The following SPAST variants were observed in gnomAD, a reference collection of about 807,000 sequenced individuals.
The protein encoded by SPAST is spastin.
A neutral mutation model predicts 76.6 loss-of-function variants in SPAST; 30 were observed. The ratio of observed to expected loss-of-function variants is 0.39; its 90% CI spans 0.29 to 0.53. SPAST has a LOEUF of 0.53. SPAST is among the 20% of genes least tolerant of loss of function. The pLI, the probability that SPAST is intolerant of heterozygous loss-of-function variation, is 0.68. For synonymous variants in SPAST, 305 were observed against 281.0 expected, an observed-to-expected ratio of 1.09 and a Z score of -0.86; for missense variants, 717 against 770.5, an observed-to-expected ratio of 0.93 and a Z score of 0.82.
chr2:32,107,219 A>C (rs563046220), intron 4 of SPAST, among the ~76,000 whole-genome samples: 63 of 152,182 alleles, frequency 4.1e-4, no homozygotes, highest in Non-Finnish European at 7.4e-4. Flanking sequence ...TCTGAAATCC[A>C]AAATGCTCTA....
intron 8 of SPAST, 101 bp downstream of exon 8, chr2:32,127,123 C>T (rs1679221322): frequency 1.2e-6 from 1 of 837,414 alleles, no homozygotes; most frequent in South Asian, 1.4e-5. Flanking sequence ...TTACGACTTG[C>T]TTTTTGCTAT....
chr2:32,120,099 C>G (rs150295812), intron 7 of SPAST, among the ~76,000 whole-genome samples: 1,596 of 151,810 alleles, frequency 0.011, 99 homozygotes, highest in Admixed American at 0.094. Flanking sequence ...ATCCTCCTGT[C>G]TCAGCCTCCC....
At chr2:32,112,639 C>T (rs1225927154) in intron 4 of SPAST, among the ~76,000 whole-genome samples, 3 of 152,030 alleles carry the variant, frequency 2.0e-5, no homozygotes, top group African/African-American at 7.2e-5. Context: ...AGCCACCACG[C>T]CCAGCCTAAT....
intron 4 of SPAST, among the ~76,000 whole-genome samples, chr2:32,099,939 A>G (rs897625994): frequency 2.1e-5 from 3 of 143,564 alleles, no homozygotes; most frequent in Non-Finnish European, 4.6e-5. Flanking sequence ...TTGATTCTGT[A>G]TCTTGGCTGT....
At chr2:32,115,191 G>A (rs1006911544) in intron 5 of SPAST, among the ~76,000 whole-genome samples, 4 of 151,696 alleles carry the variant, frequency 2.6e-5, no homozygotes, top group Non-Finnish European at 5.9e-5. Context: ...CAGGTGATCC[G>A]CCTGCCTCAG....
rs1456027642 is a variant in SPAST, at chr2:32,154,935, G to C, written c.*439G>C. 1 of 166,498 alleles carries C rather than the reference G, an allele frequency of 6.0e-6. No homozygotes were observed. Among genetic ancestry groups the C allele is most frequent in the Non-Finnish European group, 1.3e-5 (1 of 76,582 alleles). 10.3% of individuals were successfully genotyped at this position (166,498 alleles called of 1,614,324 possible). On this transcript the variant is annotated 3_prime_UTR_variant, in exon 17 of 17. Coordinates refer to ENST00000315285, the MANE Select transcript of SPAST (RefSeq NM_014946.4). ...TCTCCTACTTTTCTTTTCTACTGTT[G>C]TCTTAACTACAGGTGATTGGAATGC...
intron 9 of SPAST, among the ~76,000 whole-genome samples, chr2:32,132,529 C>CTTTTTT (rs34112329): frequency 1.4e-5 from 2 of 148,134 alleles, no homozygotes; most frequent in Non-Finnish European, 1.5e-5. Context: ...AAAACTCAAT[C>CTTTTTT]TTTTTTTTTT....
At chr2:32,092,346 G>A (rs1243552161) in intron 3 of SPAST, among the ~76,000 whole-genome samples, 3 of 152,102 alleles carry the variant, frequency 2.0e-5, no homozygotes, top group South Asian at 2.1e-4. Context: ...TACTTTCTAC[G>A]TGTTTTATCT....
chr2:32,094,333 C>T (rs1257747362), intron 3 of SPAST, among the ~76,000 whole-genome samples: 1 of 152,062 alleles, frequency 6.6e-6, no homozygotes, highest in Non-Finnish European at 1.5e-5. Flanking sequence ...ATTATCCTGC[C>T]TCATCCTCCT....
At chr2:32,083,720 ATTTATATATACTATATATATT>A (rs1558619956) in intron 1 of SPAST, among the ~76,000 whole-genome samples, 1 of 76,400 alleles carries the variant, frequency 1.3e-5, no homozygotes, top group East Asian at 3.9e-4. Flanking sequence ...TACTATATAT[ATTTATATATACTATATATATT>A]TATATATACT....
chr2:32,082,965 T>G, intron 1 of SPAST, among the ~76,000 whole-genome samples: 1 of 152,126 alleles, frequency 6.6e-6, no homozygotes, highest in East Asian at 1.9e-4. Flanking sequence ...TGTTGTTGTT[T>G]AATTAATTAA....
intron 9 of SPAST, among the ~76,000 whole-genome samples, chr2:32,132,440 G>C (rs1189814560): frequency 2.0e-5 from 3 of 151,876 alleles, no homozygotes; most frequent in Non-Finnish European, 2.9e-5. Flanking sequence ...CTATCATTTT[G>C]TCAGTTCTAT....
chr2:32,140,089 T>A (rs1196085496), intron 12 of SPAST, among the ~76,000 whole-genome samples: 1 of 152,192 alleles, frequency 6.6e-6, no homozygotes, highest in Non-Finnish European at 1.5e-5. Context: ...TGTGTTATGT[T>A]GCGTCCTTTT....
At chr2:32,119,709 A>G (rs984260692) in intron 7 of SPAST, among the ~76,000 whole-genome samples, 2 of 152,194 alleles carry the variant, frequency 1.3e-5, no homozygotes, top group African/African-American at 4.8e-5. Flanking sequence ...CAAAAAACTC[A>G]AACTAAATAG....
At chr2:32,101,590 G>C (rs1400228868) in intron 4 of SPAST, among the ~76,000 whole-genome samples, 2 of 152,134 alleles carry the variant, frequency 1.3e-5, no homozygotes, top group Admixed American at 1.3e-4. Context: ...TTTTCTTCTA[G>C]GGTTTTTATA....
rs372900676 is a variant in SPAST at position 32,154,458 on chromosome 2, A to G, written c.1813A>G (p.Ile605Val). 63 of 1,613,770 alleles carry G rather than the reference A, an allele frequency of 3.9e-5. No homozygotes were observed. The highest frequency in any genetic ancestry group is 5.2e-5 in the Non-Finnish European group (61 of 1,179,764). ...CAGCCCTCAAACTTTAGAAGCGTAC[A>G]TACGTTGGAACAAGGACTTTGGAGA... ...SVSPQTLEAYIRWNKDFGDTT... is the reference protein window; with the variant it reads ...SVSPQTLEAYVRWNKDFGDTT... Residue 605 changes from isoleucine to valine, a missense_variant, in exon 17 of 17, where the codon ATA becomes GTA. This residue lies in a region of SPAST where 96 missense variants were observed against 127.6 expected (regional missense o/e 0.75). Coordinates refer to ENST00000315285, the MANE Select transcript of SPAST (RefSeq NM_014946.4).
At chr2:32,139,837 TAA>T (rs1358523004) in intron 12 of SPAST, among the ~76,000 whole-genome samples, 8 of 93,000 alleles carry the variant, frequency 8.6e-5, no homozygotes, top group Admixed American at 3.2e-4. Context: ...TTTCCAAAAT[TAA>T]AAAAAAAAAA....
chr2:32,153,203 G>C (rs534686025), intron 16 of SPAST, among the ~76,000 whole-genome samples: 1 of 152,076 alleles, frequency 6.6e-6, no homozygotes, highest in Non-Finnish European at 1.5e-5. Flanking sequence ...ATAAATACCA[G>C]TTGTTGGAGT....
intron 7 of SPAST, among the ~76,000 whole-genome samples, chr2:32,118,356 A>T (rs957172428): frequency 1.3e-5 from 2 of 152,216 alleles, no homozygotes; most frequent in Admixed American, 6.5e-5. Context: ...AAGTACATAA[A>T]ATCACTGGTC....
Sources: allele counts gnomAD v4.1 joint callset (sites outside exome capture counted in the v4.1 genomes callset), GRCh38; gene constraint gnomAD v4.1.1; regional missense constraint gnomAD v4.1.1; transcripts MANE v1.5; gene names NCBI Gene and HGNC (gene_info 2026-07-23, HGNC 2026-07-21).